SHANK1: variants seen among roughly 807,000 people sequenced by gnomAD.
SHANK1 encodes the protein SH3 and multiple ankyrin repeat domains 1, also known as SH3 and multiple ankyrin repeat domains protein 1.
SHANK1 carries 35 observed loss-of-function variants against 165.6 expected under a neutral mutation model. The observed-to-expected ratio is 0.21, with a 90% CI of 0.16 to 0.28. The LOEUF (loss-of-function observed/expected upper bound fraction) is 0.28. Ranked by LOEUF, SHANK1 falls within the 10% of genes least tolerant of loss-of-function variation. The pLI, the probability that SHANK1 is intolerant of heterozygous loss-of-function variation, is 1.00. For synonymous variants in SHANK1, 1,428 were observed against 1,384.8 expected (o/e 1.03, Z -0.69); for missense variants, 2,681 against 3,036.4 (o/e 0.88, Z 2.75).
Position 50,713,108 on chromosome 19 carries a change from G to A in SHANK1, c.792+690C>T, listed in dbSNP as rs1198507628. Among the ~76,000 whole-genome samples, 1 of 152,090 alleles carries A rather than the reference G, an allele frequency of 6.6e-6. No homozygotes were observed. Among genetic ancestry groups the A allele is most frequent in the African/African-American group, 2.4e-5 (1 of 41,400 alleles). ...AAGCATCTGAGGGAGAGAAGGGAGG[G>A]GCCGTTTAGCTGGAGCAGCTGTGCG... is the stretch of plus-strand genomic sequence containing the variant. On this transcript the variant is annotated intron_variant, in intron 6 of 23. Coordinates refer to ENST00000293441, the MANE Select transcript of SHANK1 (RefSeq NM_016148.5). This position sits in a 1 kb window ranked among gnomAD's most constrained non-coding sequence, Gnocchi z 6.2.
At chr19:50,672,555 C>CAAAAA (rs3987747) in intron 21 of SHANK1, among the ~76,000 whole-genome samples, 1,999 of 32,218 alleles carry the variant, frequency 0.062, 206 homozygotes, top group African/African-American at 0.12. Context: ...GACTCTGTCT[C>CAAAAA]AAAAAAAAAA....
chr19:50,704,561 T>C (rs2088915419), intron 8 of SHANK1, 47 bp from the exon 9 acceptor site: 1 of 1,533,660 alleles, frequency 6.5e-7, no homozygotes, highest in African/African-American at 1.4e-5. Context: ...AGAGAAAAAA[T>C]TAAGATCACC....
At chr19:50,687,128 C>CA in intron 19 of SHANK1, 1 of 826,310 alleles carries the variant, frequency 1.2e-6, no homozygotes, top group Non-Finnish European at 1.8e-6. Context: ...CCGCCTCCCT[C>CA]GGGGCCCCGG....
In SHANK1 at chr19:50,711,493, C is replaced by T; in HGVS notation, c.961-6G>A. 3.8e-6 allele frequency: 6 copies of T among 1,569,880 alleles called. No individual in the cohort carries two copies. The highest frequency in any genetic ancestry group is 5.2e-6 in the Non-Finnish European group (6 of 1,157,476). On this transcript the variant is annotated splice_polypyrimidine_tract_variant and splice_region_variant and intron_variant, in intron 7 of 23. Coordinates refer to ENST00000293441, the MANE Select transcript of SHANK1 (RefSeq NM_016148.5). ...GAGTGACCCCGCTGGCAGGCCTGGG[C>T]AGGACAGGGAGCGAGGGGCATGGAT...
chr19:50,702,393 G>T lies in SHANK1; in HGVS notation c.1747+74C>A. The stretch of plus-strand genomic sequence containing the variant: ...TACTCCAGGTGCCCGAGAATGGTCT[G>T]CTCTCTGCTCCACATTTTCCCTGAT... On this transcript the variant is annotated intron_variant, in intron 12 of 23. Transcript: ENST00000293441. The surrounding 1 kb of genome is among the most constrained non-coding windows in gnomAD (Gnocchi z 5.3). 1 of 1,367,768 alleles carries T rather than the reference G, an allele frequency of 7.3e-7. No homozygotes were observed. The highest frequency in any genetic ancestry group is 1.0e-6 in the Non-Finnish European group (1 of 1,004,354). 84.7% of individuals were successfully genotyped at this position (1,367,768 alleles called of 1,614,324 possible). A position where few individuals can be genotyped will look rare whatever the true frequency, so the allele number is the denominator to read the frequency against.
rs181019338 is a variant in SHANK1, at chr19:50,684,995, C to G, written c.2577+1242G>C. 4.7e-4 allele frequency among the ~76,000 whole-genome samples: 71 copies of G among 152,362 alleles called. 3 individuals are homozygous for G. The East Asian group carries it at 0.012, about 26-fold the overall frequency. On this transcript the variant is annotated intron_variant, in intron 21 of 23. Transcript: ENST00000293441. ...TTATTCTGAGAAGGACCACGGCAGC[C>G]TGCCAAAGAGATCCATGACCCCCTA...
Position 50,667,489 on chromosome 19 carries a change from G to T in SHANK1, c.4471C>A (p.His1491Asn). ...APEEPERLPL[H>N]VRFLENCQPR... is the part of the protein sequence containing the mutation. ...TGGCAGTTTTCAAGGAACCGCACGT[G>T]CAGCGGCAGCCGCTCGGGTTCTTCG... The change falls in exon 23 of 24, where the codon CAC becomes AAC. Residue 1491 changes from histidine (H) to asparagine (N), a missense_variant. His to Asn is a moderately conservative substitution (Grantham distance 68). Transcript: ENST00000293441. This position sits in a 1 kb window ranked among gnomAD's most constrained non-coding sequence, Gnocchi z 5.7. 6.5e-7 allele frequency: 1 copy of T among 1,529,534 alleles called. No homozygotes were observed. Among genetic ancestry groups the T allele is most frequent in the Non-Finnish European group, 8.7e-7 (1 of 1,149,430 alleles). The allele number at this position is 1,529,534 out of a possible 1,614,324, so 94.7% of individuals were successfully genotyped here.
chr19:50,695,542 A>G lies in SHANK1; in HGVS notation c.1964+1554T>C, dbSNP rs1471472292. ...CCCCCTTAATCCCCCTCCCCCCTCC[A>G]GAGCCCTCCCGCGCAGGTGCAGAGC... is the stretch of plus-strand genomic sequence containing the variant. On this transcript the variant is annotated intron_variant, in intron 15 of 23. Transcript: ENST00000293441. 4.7e-5 allele frequency among the ~76,000 whole-genome samples: 7 copies of G among 149,550 alleles called. No homozygotes were observed. The East Asian group carries it at 1.2e-3, about 26-fold the overall frequency.
At position 50,711,437 on chromosome 19, in the gene SHANK1, C is replaced by T. The variant is rs565359593; in HGVS notation, c.1011G>A (p.Gly337=). 3.8e-6 allele frequency: 6 copies of T among 1,564,802 alleles called. No homozygotes were observed. In the East Asian group the frequency reaches 1.2e-4, roughly 31 times the overall value. ...SQHLEHLLFY[G]AEPGAQNASG... The stretch of plus-strand genomic sequence containing the variant: ...AGGCGTTCTGGGCTCCAGGCTCAGC[C>T]CCGTAGAAAAGCAGATGCTCCAGGT... Residue 337 remains glycine (G), a synonymous_variant, in exon 8 of 24, where the codon GGG becomes GGA. Transcript: ENST00000293441.
chr19:50,711,331 G>A lies in SHANK1; in HGVS notation c.1077+40C>T, dbSNP rs376851541. The A allele has an allele frequency of 8.5e-6, 12 of 1,411,578 alleles. No homozygotes were observed. In the Admixed American group the frequency reaches 1.2e-4, roughly 14 times the overall value. The allele number at this position is 1,411,578 out of a possible 1,614,324, so 87.4% of individuals were successfully genotyped here. On this transcript the variant is annotated intron_variant, in intron 8 of 23. Transcript: ENST00000293441. ...CTTGGCCCTGGGGGAGGCGGCTATC[G>A]GGGATGTGAGGGGCCTGGGGTGGCC...
intron 21 of SHANK1, among the ~76,000 whole-genome samples, chr19:50,677,127 CTT>C (rs750956099): frequency 3.1e-4 from 43 of 138,068 alleles, no homozygotes; most frequent in African/African-American, 5.4e-4. Context: ...CTATCTCATA[CTT>C]TTTTTTTTTT....
At position 50,690,401 on chromosome 19, in the gene SHANK1, C is replaced by T. The variant is rs777140462; in HGVS notation, c.1965-1122G>A. On this transcript the variant is annotated intron_variant, in intron 15 of 23. Coordinates refer to ENST00000293441, the MANE Select transcript of SHANK1 (RefSeq NM_016148.5). This position sits in a 1 kb window ranked among gnomAD's most constrained non-coding sequence, Gnocchi z 4.9. ...ACATCCATTCCATTCCCAGAGGATCCGACACCCCAGTCTACATCAGGAATA... is the reference window on the plus strand; with the variant it reads ...ACATCCATTCCATTCCCAGAGGATCTGACACCCCAGTCTACATCAGGAATA... Among the ~76,000 whole-genome samples the T allele has an allele frequency of 2.6e-5, 4 of 152,044 alleles. No homozygotes were observed. The highest frequency in any genetic ancestry group is 6.5e-5 in the Admixed American group (1 of 15,276).
chr19:50,703,145 G>A (rs2088889699), intron 11 of SHANK1, among the ~76,000 whole-genome samples: 1 of 150,056 alleles, frequency 6.7e-6, no homozygotes, highest in Non-Finnish European at 1.5e-5. Context: ...TCCCTCCAGA[G>A]TGACCTCTCT....
At chr19:50,692,129 C>G (rs909601713) in intron 15 of SHANK1, among the ~76,000 whole-genome samples, 1 of 152,166 alleles carries the variant, frequency 6.6e-6, no homozygotes, top group South Asian at 2.1e-4. Context: ...TCCACAGCAC[C>G]GAAATACCTT....
Position 50,666,800 on chromosome 19 carries a change from A to C in SHANK1, c.5160T>G (p.Ser1720Arg). ...GGGGAGAGVA[S>R]GPELLDTYVA... ...CATAGGTGTCCAGAAGCTCCGGCCC[A>C]CTGGCCACACCGGCCCCAGCCCCGC... is the stretch of plus-strand genomic sequence containing the variant. The change falls in exon 23 of 24, where the codon AGT becomes AGG. Residue 1720 changes from serine to arginine, a missense_variant. Ser to Arg is a moderately radical substitution (Grantham distance 110). Coordinates refer to ENST00000293441, the MANE Select transcript of SHANK1 (RefSeq NM_016148.5). 1 of 1,550,066 alleles carries C rather than the reference A, an allele frequency of 6.5e-7. No homozygotes were observed. Among genetic ancestry groups the C allele is most frequent in the Non-Finnish European group, 8.7e-7 (1 of 1,147,824 alleles).
intron 4 of SHANK1, among the ~76,000 whole-genome samples, chr19:50,714,975 A>G (rs924762474): frequency 2.0e-5 from 3 of 152,134 alleles, no homozygotes; most frequent in African/African-American, 7.2e-5. Context: ...GGACCGTGAA[A>G]GTCTGGAGGG....
At position 50,668,961 on chromosome 19, in the gene SHANK1, GGGT is replaced by G. The variant is rs1237980925; in HGVS notation, c.2996_2998del (p.His999del). The stretch of plus-strand genomic sequence containing the variant: ...GGCGTGGTGGTGGTGGTGGTGGGGC[GGGT>G]GGTGGTGGGCCGGGGGCAGGGGCCC... On this transcript the variant is annotated inframe_deletion, in exon 23 of 24. Transcript: ENST00000293441. 2 of 576,984 alleles carry G rather than the reference GGGT, an allele frequency of 3.5e-6. No individual in the cohort carries two copies. The highest frequency in any genetic ancestry group is 4.5e-5 in the South Asian group (2 of 44,600). 35.7% of individuals were successfully genotyped at this position (576,984 alleles called of 1,614,324 possible).
At chr19:50,694,016 A>AC (rs1374601724) in intron 15 of SHANK1, among the ~76,000 whole-genome samples, 2 of 128,536 alleles carry the variant, frequency 1.6e-5, no homozygotes, top group East Asian at 2.2e-4. Context: ...ACTCCAGCAC[A>AC]CACCACACAC....
In SHANK1 at chr19:50,692,256, A is replaced by G. The variant is rs1230358394; in HGVS notation, c.1965-2977T>C. Among the ~76,000 whole-genome samples, 3 of 151,944 alleles carry G rather than the reference A, an allele frequency of 2.0e-5. No homozygotes were observed. In the East Asian group the frequency reaches 5.8e-4, roughly 29 times the overall value. ...AATGAGGAACACTTATCGAATTATT[A>G]CTGAATGCCAGCCATGATTCCAAGC... On this transcript the variant is annotated intron_variant, in intron 15 of 23. Coordinates refer to ENST00000293441, the MANE Select transcript of SHANK1 (RefSeq NM_016148.5).
Sources: gnomAD v4.1 joint callset for allele counts (sites outside exome capture counted in the v4.1 genomes callset) on GRCh38, gnomAD v4.1.1 for gene constraint, Gnocchi (gnomAD v3.1) non-coding constraint, MANE v1.5 for transcripts, NCBI Gene and HGNC (gene_info 2026-07-23, HGNC 2026-07-21) for gene names.